PARD3: variants seen among roughly 807,000 people sequenced by gnomAD.
PARD3 encodes par-3 family cell polarity regulator.
A neutral mutation model predicts 155.4 loss-of-function variants in PARD3; 75 were observed. The observed-to-expected ratio is 0.48, with a 90% CI of 0.40 to 0.58. The LOEUF (loss-of-function observed/expected upper bound fraction) is 0.58. Among genes scored for constraint, PARD3 ranks in the 20% least tolerant of loss-of-function variants. The pLI is 0.00. For missense variants in PARD3, 1,642 were observed against 1,721.7 expected (o/e 0.95, Z 0.82); for synonymous variants, 576 against 610.5 (o/e 0.94, Z 0.83).
At chr10:34,810,013 C>CT (rs1355444033) in intron 1 of PARD3, among the ~76,000 whole-genome samples, 2 of 129,120 alleles carry the variant, frequency 1.5e-5, no homozygotes, top group Non-Finnish European at 3.2e-5. Flanking sequence ...AAAACCATGA[C>CT]TGTCATTGTT....
intron 5 of PARD3, among the ~76,000 whole-genome samples, chr10:34,417,262 T>C (rs879878755): frequency 7.2e-5 from 11 of 152,328 alleles, no homozygotes; most frequent in Middle Eastern, 6.8e-3. Flanking sequence ...ACTGATTTTG[T>C]CTGTGCAGCG....
intron 5 of PARD3, among the ~76,000 whole-genome samples, chr10:34,412,694 T>C (rs1282927367): frequency 6.6e-6 from 1 of 152,196 alleles, no homozygotes; most frequent in African/African-American, 2.4e-5. Flanking sequence ...CCCAATTATG[T>C]TAGTACTTTT....
At chr10:34,750,686 T>C (rs1046489453) in intron 1 of PARD3, among the ~76,000 whole-genome samples, 2 of 144,766 alleles carry the variant, frequency 1.4e-5, no homozygotes, top group Non-Finnish European at 3.0e-5. Context: ...GGTAATGACA[T>C]AACAATTTTT....
At chr10:34,140,073 G>T (rs944450981) in intron 22 of PARD3, among the ~76,000 whole-genome samples, 37 of 151,970 alleles carry the variant, frequency 2.4e-4, no homozygotes, top group African/African-American at 8.9e-4. Context: ...ATTACACCCC[G>T]TGTGTTAAAA....
chr10:34,686,252 C>T (rs1413413082), intron 2 of PARD3, among the ~76,000 whole-genome samples: 1 of 152,084 alleles, frequency 6.6e-6, no homozygotes, highest in Non-Finnish European at 1.5e-5. Context: ...TGGATAATAA[C>T]TTACAACCTC....
At chr10:34,297,069 C>T (rs1462013345) in intron 20 of PARD3, among the ~76,000 whole-genome samples, 1 of 152,160 alleles carries the variant, frequency 6.6e-6, no homozygotes, top group Non-Finnish European at 1.5e-5. Context: ...AACTGGAATT[C>T]CAGCACTTAG....
chr10:34,476,702 T>C (rs1295788396), intron 3 of PARD3, among the ~76,000 whole-genome samples: 3 of 151,900 alleles, frequency 2.0e-5, no homozygotes, highest in African/African-American at 7.3e-5. Flanking sequence ...CCAAACCTCA[T>C]CCTGAGAGAA....
chr10:34,289,017 A>C (rs1431911250), intron 20 of PARD3, among the ~76,000 whole-genome samples: 1 of 152,196 alleles, frequency 6.6e-6, no homozygotes, highest in Non-Finnish European at 1.5e-5. Flanking sequence ...GCTGGAGTGC[A>C]GTGGTGCAAT....
chr10:34,364,657 CTCCTGGGCTCAAGCAA>C (rs1417871446), intron 12 of PARD3, among the ~76,000 whole-genome samples: 1 of 152,154 alleles, frequency 6.6e-6, no homozygotes, highest in Non-Finnish European at 1.5e-5. Context: ...TGGTCTCAAA[CTCCTGGGCTCAAGCAA>C]TCCTCCCACC....
chr10:34,275,887 T>A (rs1014737684), intron 21 of PARD3, among the ~76,000 whole-genome samples: 53 of 152,252 alleles, frequency 3.5e-4, no homozygotes, highest in African/African-American at 1.2e-3. Context: ...GAGTCACTCA[T>A]TTTTCTGAAC....
intron 2 of PARD3, among the ~76,000 whole-genome samples, chr10:34,521,905 C>T (rs148534557): frequency 6.6e-6 from 1 of 152,186 alleles, no homozygotes; most frequent in African/African-American, 2.4e-5. Context: ...CAGCTCTGAC[C>T]TTATTTTTTG....
chr10:34,291,901 A>C (rs1956692394), intron 20 of PARD3, among the ~76,000 whole-genome samples: 1 of 152,188 alleles, frequency 6.6e-6, no homozygotes, highest in African/African-American at 2.4e-5. Flanking sequence ...TCAATGAGTA[A>C]ATCTTGCATT....
intron 7 of PARD3, among the ~76,000 whole-genome samples, chr10:34,390,029 T>A (rs971748237): frequency 6.6e-6 from 1 of 152,202 alleles, no homozygotes; most frequent in Non-Finnish European, 1.5e-5. Context: ...TTATAACAAA[T>A]GAGTCTGCGG....
chr10:34,652,816 T>C (rs1481658509), intron 2 of PARD3, among the ~76,000 whole-genome samples: 1 of 152,252 alleles, frequency 6.6e-6, no homozygotes, highest in East Asian at 1.9e-4. Flanking sequence ...ACCATGTGAA[T>C]TCTTTAGTTA....
At chr10:34,712,252 T>C (rs2094459401) in intron 1 of PARD3, among the ~76,000 whole-genome samples, 1 of 152,136 alleles carries the variant, frequency 6.6e-6, no homozygotes, top group Non-Finnish European at 1.5e-5. Flanking sequence ...TGAGGGAAGG[T>C]AGTGAATATG....
intron 9 of PARD3, among the ~76,000 whole-genome samples, chr10:34,381,312 T>C (rs988812531): frequency 6.6e-6 from 1 of 152,138 alleles, no homozygotes; most frequent in Admixed American, 6.5e-5. Flanking sequence ...TCCATCCAAC[T>C]ATAAGAGTTG....
At chr10:34,533,399 A>G (rs1453430942) in intron 2 of PARD3, among the ~76,000 whole-genome samples, 1 of 152,106 alleles carries the variant, frequency 6.6e-6, no homozygotes, top group Non-Finnish European at 1.5e-5. Flanking sequence ...CATGCAACAA[A>G]CCTGCACATA....
chr10:34,142,280 T>A (rs1948228430), intron 22 of PARD3, among the ~76,000 whole-genome samples: 1 of 152,142 alleles, frequency 6.6e-6, no homozygotes. Context: ...CCGGGGCTTA[T>A]CCCTGTAATC....
intron 2 of PARD3, among the ~76,000 whole-genome samples, chr10:34,646,581 C>T (rs2133006789): frequency 6.6e-6 from 1 of 152,310 alleles, no homozygotes; most frequent in South Asian, 2.1e-4. Flanking sequence ...GAGGGAAGTC[C>T]TGCTAAGACT....
Sources: allele counts gnomAD v4.1 joint callset (sites outside exome capture counted in the v4.1 genomes callset), GRCh38; gene constraint gnomAD v4.1.1; transcripts MANE v1.5; gene names NCBI Gene and HGNC (gene_info 2026-07-23, HGNC 2026-07-21).